Variants in GSE1 observed in about 807,000 individuals in gnomAD.
The protein encoded by GSE1 is genetic suppressor element 1.
Under a neutral mutation model 112.6 loss-of-function variants are expected in GSE1, and 32 were observed. That is an observed-to-expected ratio of 0.28 (90% CI 0.21 to 0.38). The LOEUF (loss-of-function observed/expected upper bound fraction) is 0.38. GSE1 is among the 10% of genes least tolerant of loss of function. The pLI, the probability that GSE1 is intolerant of heterozygous loss-of-function variation, is 1.00. For synonymous variants in GSE1, 1,115 were observed against 735.6 expected, an observed-to-expected ratio of 1.52 and a Z score of -8.35; for missense variants, 2,348 against 1,699.2, an observed-to-expected ratio of 1.38 and a Z score of -6.71.
rs1598710239 is a variant in GSE1 at position 85,668,206 on chromosome 16, C to T, written c.3197C>T (p.Pro1066Leu). ...KVDTSVHYNI[P>L]ELQSSSRAPP... ...GACACGTCCGTCCACTACAACATTC[C>T]TGAGCTGCAGTCCTCCAGCCGCGCC... Residue 1066 changes from proline (P) to leucine (L), a missense_variant, in exon 14 of 16, where the codon CCT becomes CTT. Coordinates refer to ENST00000253458, the MANE Select transcript of GSE1 (RefSeq NM_014615.5). 3 of 1,611,004 alleles carry T rather than the reference C, an allele frequency of 1.9e-6. No homozygotes were observed. Among genetic ancestry groups the T allele is most frequent in the Non-Finnish European group, 2.5e-6 (3 of 1,177,320 alleles).
intron 2 of GSE1, among the ~76,000 whole-genome samples, chr16:85,397,633 C>T (rs911594073): frequency 6.6e-6 from 1 of 152,202 alleles, no homozygotes; most frequent in South Asian, 2.1e-4. Context: ...CAGCCTGGGG[C>T]CTCCCCGGAG....
At chr16:85,169,613 G>T in exon 1 of GSE1, 3 of 982,874 alleles carry the variant, frequency 3.1e-6, no homozygotes, top group Non-Finnish European at 3.6e-6. Flanking sequence ...CCGCTCTCCT[G>T]CTTCATCTGC....
Position 85,312,783 on chromosome 16 carries a change from G to A in GSE1, c.2284-44680G>A, listed in dbSNP as rs181985364. 2.0e-4 allele frequency among the ~76,000 whole-genome samples: 30 copies of A among 151,948 alleles called. No individual in the cohort carries two copies. In the East Asian group the frequency reaches 5.6e-3, roughly 28 times the overall value. On this transcript the variant is annotated intron_variant, in intron 1 of 2. Coordinates refer to the GSE1 transcript ENST00000637419. ...GGGAGGAAGGAGAGGAGGAGGAGAG[G>A]AGGAGCAGGGCAGGAGGAGGAGGAG... is the stretch of plus-strand genomic sequence containing the variant.
rs144429531 is a variant in GSE1 at position 85,192,747 on chromosome 16, C to T, written c.2283+20940C>T. Among the ~76,000 whole-genome samples, 3 of 152,364 alleles carry T rather than the reference C, an allele frequency of 2.0e-5. No homozygotes were observed. In the South Asian group the frequency reaches 6.2e-4, roughly 32 times the overall value. ...CGTGAGATCAGGAGGGGGATATTCT[C>T]TTTGGCAGCCTCTGGGTGGCTTCCC... is the stretch of plus-strand genomic sequence containing the variant. On this transcript the variant is annotated intron_variant, in intron 1 of 2. Coordinates refer to the GSE1 transcript ENST00000637419.
intron 2 of GSE1, among the ~76,000 whole-genome samples, chr16:85,471,367 C>T (rs544797288): frequency 6.6e-6 from 1 of 152,270 alleles, no homozygotes; most frequent in South Asian, 2.1e-4. Flanking sequence ...TTGCATGGTA[C>T]CATAGGTCAG....
chr16:85,558,500 G>A (rs1317156009), intron 1 of GSE1, among the ~76,000 whole-genome samples: 1 of 152,236 alleles, frequency 6.6e-6, no homozygotes, highest in Non-Finnish European at 1.5e-5. Context: ...GAAAGAGGAG[G>A]AGGAAGTGTC....
intron 3 of GSE1, among the ~76,000 whole-genome samples, chr16:85,651,042 C>CTCCGCCCCTCCTCCCCCTCCCCT (rs2051299021): frequency 9.1e-5 from 11 of 120,370 alleles, no homozygotes; most frequent in African/African-American, 3.5e-4. Flanking sequence ...CCCCCTCCCC[C>CTCCGCCCCTCCTCCCCCTCCCCT]TCCGCCCCTC....
chr16:85,291,317 A>C (rs2045204178), intron 1 of GSE1, among the ~76,000 whole-genome samples: 1 of 152,114 alleles, frequency 6.6e-6, no homozygotes, highest in Non-Finnish European at 1.5e-5. Flanking sequence ...GGGTGGCACC[A>C]GCCCCCCTGG....
intron 1 of GSE1, among the ~76,000 whole-genome samples, chr16:85,186,702 C>T (rs999350364): frequency 1.3e-5 from 2 of 151,406 alleles, no homozygotes; most frequent in Non-Finnish European, 2.9e-5. Context: ...AAGTTTGAGG[C>T]TGCAGTGAGC....
chr16:85,596,454 A>T (rs755221270), intron 1 of GSE1, among the ~76,000 whole-genome samples: 1 of 152,212 alleles, frequency 6.6e-6, no homozygotes, highest in Admixed American at 6.5e-5. Context: ...GAATCCTCCC[A>T]GGAAGATTCC....
At chr16:85,315,062 T>G (rs2045958490) in intron 1 of GSE1, among the ~76,000 whole-genome samples, 1 of 152,196 alleles carries the variant, frequency 6.6e-6, no homozygotes. Flanking sequence ...CCAGTGAAGA[T>G]CTGTCACTTA....
In GSE1 at chr16:85,307,698, T is replaced by C. The variant is rs2045718752; in HGVS notation, c.2284-49765T>C. The stretch of plus-strand genomic sequence containing the variant: ...GGTCACGTGGGCACGGCTGACACCA[T>C]GTGACTGACCTTAACCTCCAGCACC... On this transcript the variant is annotated intron_variant, in intron 1 of 2. Coordinates refer to the GSE1 transcript ENST00000637419. Among the ~76,000 whole-genome samples, 8 of 152,172 alleles carry C rather than the reference T, an allele frequency of 5.3e-5. No homozygotes were observed. In the South Asian group the frequency reaches 1.2e-3, roughly 24 times the overall value.
chr16:85,655,955 C>T (rs1256412539), intron 6 of GSE1, 38 bp downstream of exon 6: 8 of 1,525,308 alleles, frequency 5.2e-6, no homozygotes, highest in Non-Finnish European at 6.2e-6. Flanking sequence ...CTCTGCCCTC[C>T]CTGTCCCTTG....
At chr16:85,237,000 T>A (rs1050177163) in intron 1 of GSE1, among the ~76,000 whole-genome samples, 7 of 152,228 alleles carry the variant, frequency 4.6e-5, no homozygotes, top group African/African-American at 1.7e-4. Flanking sequence ...CATTTCAAGC[T>A]GGTGTCTCAC....
intron 1 of GSE1, among the ~76,000 whole-genome samples, chr16:85,194,273 C>T (rs983120816): frequency 3.3e-5 from 5 of 152,154 alleles, no homozygotes; most frequent in African/African-American, 9.7e-5. Flanking sequence ...ACCCAAAAAT[C>T]CTAGTCCTGG....
intron 2 of GSE1, among the ~76,000 whole-genome samples, chr16:85,537,985 C>T (rs563784284): frequency 2.0e-5 from 3 of 152,266 alleles, no homozygotes; most frequent in Admixed American, 6.5e-5. Flanking sequence ...GAGGCCAGCT[C>T]TTGAGTGAGG....
upstream of GSE1, among the ~76,000 whole-genome samples, chr16:85,609,423 G>T (rs76385022): frequency 0.034 from 5,181 of 152,276 alleles, 127 homozygotes; most frequent in South Asian, 0.067. Context: ...TGAGGTGCTT[G>T]CTGAAGGCTT....
chr16:85,474,473 G>A (rs994358762), intron 2 of GSE1, among the ~76,000 whole-genome samples: 7 of 152,236 alleles, frequency 4.6e-5, no homozygotes, highest in East Asian at 1.9e-4. Context: ...TGCCAGCCCC[G>A]GCGGGGAGTC....
At chr16:85,665,510 C>T (rs539110074) in intron 12 of GSE1, among the ~76,000 whole-genome samples, 30 of 152,362 alleles carry the variant, frequency 2.0e-4, no homozygotes, top group Middle Eastern at 3.4e-3. Context: ...CTAGCCTAGC[C>T]GCCCTGGCTC....
Sources: gnomAD v4.1 joint callset for allele counts (sites outside exome capture counted in the v4.1 genomes callset) on GRCh38, gnomAD v4.1.1 for gene constraint, MANE v1.5 for transcripts, NCBI Gene and HGNC (gene_info 2026-07-23, HGNC 2026-07-21) for gene names.